The following DYNLT2 variants were observed in gnomAD, a reference collection of about 807,000 sequenced individuals.
DYNLT2 encodes the protein dynein light chain Tctex-type 2.
DYNLT2 carries 24 observed loss-of-function variants against 24.3 expected under a neutral mutation model. That is an observed-to-expected ratio of 0.99 (90% CI 0.71 to 1.39). The LOEUF is 1.39. Ranked by LOEUF, DYNLT2 falls within the 40% of genes most tolerant of loss-of-function variation. The probability of loss-of-function intolerance (pLI) is 0.00; values close to 1 mark genes in which losing one functional copy is unlikely to be tolerated. For missense variants in DYNLT2, 246 were observed against 234.5 expected, an observed-to-expected ratio of 1.05 and a Z score of -0.32; for synonymous variants, 85 against 85.4, an observed-to-expected ratio of 1.00 and a Z score of 0.03.
rs1403167643 is a variant in DYNLT2, at chr6:169,744,139, A to C, written c.256T>G (p.Ser86Ala). 1 of 1,613,226 alleles carries C rather than the reference A, an allele frequency of 6.2e-7. No individual in the cohort carries two copies. Among genetic ancestry groups the C allele is most frequent in the Non-Finnish European group, 8.5e-7 (1 of 1,179,990 alleles). The change falls in exon 2 of 4, where the codon TCA becomes GCA. Residue 86 changes from serine (S) to alanine (A), a missense_variant. Coordinates refer to ENST00000366774, the MANE Select transcript of DYNLT2 (RefSeq NM_174910.3). Reference sequence around the variant, plus strand: ...TTCTTCAATGGCTCCATTCTATATGAATTAGCAAACTTTAATTTTGCCAGG... The same window carrying C: ...TTCTTCAATGGCTCCATTCTATATGCATTAGCAAACTTTAATTTTGCCAGG... ...SALAKLKFAN[S>A]YRMEPLKKFQ...
intron 3 of DYNLT2, among the ~76,000 whole-genome samples, chr6:169,742,024 C>T (rs191638842): frequency 6.6e-6 from 1 of 152,286 alleles, no homozygotes; most frequent in Non-Finnish European, 1.5e-5. Flanking sequence ...TCTATGGAAC[C>T]TCTACAGATT....
chr6:169,749,592 CAG>C (rs1242665940), intron 1 of DYNLT2: 1 of 152,222 alleles, frequency 6.6e-6, no homozygotes, highest in East Asian at 1.9e-4. Context: ...CAGAAAGACA[CAG>C]GGAACACTTT....
chr6:169,747,897 TC>T (rs1789845843), intron 1 of DYNLT2, among the ~76,000 whole-genome samples: 2 of 152,206 alleles, frequency 1.3e-5, no homozygotes, highest in Non-Finnish European at 2.9e-5. Context: ...TTCCTAAGAC[TC>T]TTGAGCTTTC....
At chr6:169,729,860 C>T in the DYNLT2 span, among the ~76,000 whole-genome samples, 6 of 151,882 alleles carry the variant, frequency 4.0e-5, no homozygotes, top group African/African-American at 1.5e-4. Context: ...CACCAAGAAC[C>T]ACCATGTTGG....
downstream of DYNLT2, among the ~76,000 whole-genome samples, chr6:169,738,132 C>A (rs1445751408): frequency 6.6e-6 from 1 of 152,216 alleles, no homozygotes; most frequent in East Asian, 1.9e-4. Context: ...GTCATGGGAC[C>A]AAGCTGTCCA....
chr6:169,729,456 AT>A, the DYNLT2 span, among the ~76,000 whole-genome samples: 1 of 152,104 alleles, frequency 6.6e-6, no homozygotes, highest in Non-Finnish European at 1.5e-5. Context: ...GTAAAATATC[AT>A]GTTAGTTTAT....
At chr6:169,730,502 A>G in the DYNLT2 span, among the ~76,000 whole-genome samples, 1 of 152,136 alleles carries the variant, frequency 6.6e-6, no homozygotes, top group African/African-American at 2.4e-5. Flanking sequence ...CTGCAGTGGC[A>G]CTCCTCTTCA....
the DYNLT2 span, among the ~76,000 whole-genome samples, chr6:169,732,140 A>G: frequency 1.3e-5 from 2 of 152,182 alleles, no homozygotes; most frequent in Non-Finnish European, 2.9e-5. Context: ...GTTTTTGGCT[A>G]CAACTATCAT....
chr6:169,738,999 C>A (rs1789617806), downstream of DYNLT2: 1 of 151,856 alleles, frequency 6.6e-6, no homozygotes, highest in South Asian at 2.1e-4. Flanking sequence ...GAAAAAAAAA[C>A]CCTTCTCTGC....
chr6:169,746,002 T>C (rs1315815980), intron 1 of DYNLT2, among the ~76,000 whole-genome samples: 5 of 152,178 alleles, frequency 3.3e-5, no homozygotes, highest in Non-Finnish European at 4.4e-5. Context: ...TTTTGGGAAA[T>C]TGCATCTTTC....
At chr6:169,735,049 C>A in the DYNLT2 span, among the ~76,000 whole-genome samples, 1 of 152,272 alleles carries the variant, frequency 6.6e-6, no homozygotes, top group African/African-American at 2.4e-5. Flanking sequence ...TTATCCATTT[C>A]TTCTAGATTT....
In DYNLT2 at chr6:169,744,034, A is replaced by G. The variant is rs547244972; in HGVS notation, c.327+34T>C. The G allele has an allele frequency of 2.1e-5, 33 of 1,586,626 alleles. No homozygotes were observed. In the South Asian group the frequency reaches 3.5e-4, roughly 17 times the overall value. On this transcript the variant is annotated intron_variant, in intron 2 of 3. Coordinates refer to ENST00000366774, the MANE Select transcript of DYNLT2 (RefSeq NM_174910.3). ...TTCTGTTTCTCTGTAGAACCCTCAT[A>G]CAATACTGCTATCATATATATTTAT...
chr6:169,725,464 C>G, the DYNLT2 span: 1 of 397,326 alleles, frequency 2.5e-6, no homozygotes, highest in Non-Finnish European at 4.4e-6. Flanking sequence ...GGCCCTCAAG[C>G]CGATCCTAAT....
chr6:169,727,267 T>G, the DYNLT2 span, among the ~76,000 whole-genome samples: 1 of 152,178 alleles, frequency 6.6e-6, no homozygotes, highest in African/African-American at 2.4e-5. Context: ...TGTAGTTTTA[T>G]TATAAAAAGT....
chr6:169,740,088 T>C (rs9383520), downstream of DYNLT2: 157,775 of 806,430 alleles, frequency 0.2, 20,855 homozygotes, highest in East Asian at 0.63. Flanking sequence ...AGAATAAGAA[T>C]ATAGCAAATC....
the DYNLT2 span, among the ~76,000 whole-genome samples, chr6:169,726,164 G>A: frequency 1.3e-5 from 2 of 152,236 alleles, no homozygotes; most frequent in African/African-American, 4.8e-5. Context: ...AACTGATTCA[G>A]TCTTCCAATG....
chr6:169,729,846 C>T, the DYNLT2 span, among the ~76,000 whole-genome samples: 1 of 150,426 alleles, frequency 6.6e-6, no homozygotes. Context: ...AGGAAGAGGG[C>T]CCTCACCAAG....
chr6:169,750,732 C>G (rs893749271), intron 1 of DYNLT2: 1 of 152,148 alleles, frequency 6.6e-6, no homozygotes, highest in African/African-American at 2.4e-5. Context: ...TAACGGTTTT[C>G]AAAGCCTAAT....
intron 3 of DYNLT2, among the ~76,000 whole-genome samples, chr6:169,741,463 C>T (rs1382195238): frequency 1.3e-5 from 2 of 152,140 alleles, no homozygotes; most frequent in Non-Finnish European, 2.9e-5. Context: ...TCAGTGAGAC[C>T]AGCAGAAAAG....
Sources: gnomAD v4.1 joint callset for allele counts (sites outside exome capture counted in the v4.1 genomes callset) on GRCh38, gnomAD v4.1.1 for gene constraint, MANE v1.5 for transcripts, NCBI Gene and HGNC (gene_info 2026-07-23, HGNC 2026-07-21) for gene names.